CDH8: variants seen among roughly 807,000 people sequenced by gnomAD.
CDH8 encodes the protein cadherin-8.
CDH8 carries 17 observed loss-of-function variants against 68.1 expected under a neutral mutation model. The ratio of observed to expected loss-of-function variants is 0.25; its 90% confidence interval spans 0.17 to 0.37. CDH8 has a LOEUF of 0.37. Ranked by LOEUF, CDH8 falls within the 10% of genes least tolerant of loss-of-function variation. CDH8 has a pLI of 1.00. For synonymous variants in CDH8, 372 were observed against 365.1 expected, an observed-to-expected ratio of 1.02 and a Z score of -0.21; for missense variants, 763 against 999.3, an observed-to-expected ratio of 0.76 and a Z score of 3.19.
In CDH8 at chr16:61,713,921, G is replaced by A. The variant is rs988660914; in HGVS notation, c.1574C>T (p.Pro525Leu). 1 of 1,609,198 alleles carries A rather than the reference G, an allele frequency of 6.2e-7. No individual in the cohort carries two copies. Among genetic ancestry groups the A allele is most frequent in the East Asian group, 2.2e-5 (1 of 44,738 alleles). The change falls in exon 10 of 12, where the codon CCC becomes CTC. Residue 525 changes from proline to leucine, a missense_variant. Transcript: ENST00000577390. ...QTVSAMDKDD[P>L]KNGHYFLYSL... The stretch of plus-strand genomic sequence containing the variant: ...GTATAAGAAATAATGTCCGTTTTTG[G>A]GATCATCTTTGTCCATGGCGCTAAC...
At chr16:61,727,312 C>A in intron 8 of CDH8, 97 bp from the exon 9 acceptor site, 1 of 1,253,176 alleles carries the variant, frequency 8.0e-7, no homozygotes, top group Non-Finnish European at 1.1e-6. Flanking sequence ...TTTCCAACTT[C>A]CCTTAATTAG....
chr16:62,018,514 C>T lies in CDH8; in HGVS notation c.252+2638G>A, dbSNP rs377583839. On this transcript the variant is annotated intron_variant, in intron 2 of 11. Transcript: ENST00000577390. Reference sequence around the variant, plus strand: ...AACACTAAAGCACCGGTGGGCACCCCGATTCAGATCATCTTCGCACTCAGC... The same window carrying T: ...AACACTAAAGCACCGGTGGGCACCCTGATTCAGATCATCTTCGCACTCAGC... Among the ~76,000 whole-genome samples the T allele has an allele frequency of 3.9e-5, 6 of 152,098 alleles. No homozygotes were observed. The East Asian group carries it at 9.7e-4, about 25-fold the overall frequency.
intron 6 of CDH8, among the ~76,000 whole-genome samples, chr16:61,820,160 C>T (rs893223448): frequency 6.6e-6 from 1 of 151,748 alleles, no homozygotes; most frequent in Non-Finnish European, 1.5e-5. Flanking sequence ...ATGGTACCTC[C>T]CTATCCAGAA....
chr16:61,688,014 G>A (rs922963571), intron 10 of CDH8, among the ~76,000 whole-genome samples: 6 of 152,112 alleles, frequency 3.9e-5, no homozygotes, highest in African/African-American at 9.6e-5. Context: ...AACTCATCTC[G>A]TAACCTGACC....
At chr16:61,813,581 G>C (rs922172001) in intron 7 of CDH8, among the ~76,000 whole-genome samples, 1 of 152,042 alleles carries the variant, frequency 6.6e-6, no homozygotes, top group African/African-American at 2.4e-5. Flanking sequence ...CCACGGGCAG[G>C]GGGAGAAGCC....
chr16:61,857,033 A>G, intron 4 of CDH8, 86 bp downstream of exon 4: 2 of 1,487,100 alleles, frequency 1.3e-6, no homozygotes, highest in South Asian at 1.1e-5. Flanking sequence ...GTACTTACAC[A>G]TAATATTTCA....
chr16:61,710,256 A>G (rs1359709936), intron 10 of CDH8, among the ~76,000 whole-genome samples: 1 of 152,088 alleles, frequency 6.6e-6, no homozygotes. Flanking sequence ...AAGTAAGAGT[A>G]TTCGATACTT....
At chr16:61,659,577 G>A (rs1287922208) in intron 10 of CDH8, among the ~76,000 whole-genome samples, 4 of 152,078 alleles carry the variant, frequency 2.6e-5, no homozygotes, top group African/African-American at 7.2e-5. Flanking sequence ...CTCTAGCTGG[G>A]CACTGTGCCA....
intron 8 of CDH8, among the ~76,000 whole-genome samples, chr16:61,766,626 T>A (rs1960600960): frequency 6.6e-6 from 1 of 150,528 alleles, no homozygotes; most frequent in African/African-American, 2.5e-5. Flanking sequence ...GCATTCCTTT[T>A]CATCACCTCC....
intron 10 of CDH8, among the ~76,000 whole-genome samples, chr16:61,663,652 T>C (rs77913590): frequency 2.6e-5 from 4 of 152,044 alleles, no homozygotes; most frequent in Non-Finnish European, 4.4e-5. Flanking sequence ...AACACCTAAC[T>C]GATTCATTAG....
At chr16:61,996,683 T>A (rs1222122475) in intron 2 of CDH8, among the ~76,000 whole-genome samples, 2 of 152,176 alleles carry the variant, frequency 1.3e-5, no homozygotes, top group East Asian at 3.9e-4. Flanking sequence ...CAAATTAAAT[T>A]ATATTATATC....
chr16:61,784,230 G>A (rs1172946768), intron 8 of CDH8, among the ~76,000 whole-genome samples: 1 of 152,008 alleles, frequency 6.6e-6, no homozygotes, highest in Non-Finnish European at 1.5e-5. Context: ...CAAAATAAAA[G>A]GATGGAGGAA....
chr16:61,820,915 C>T lies in CDH8; in HGVS notation c.1023+11G>A, dbSNP rs770762784. 1 of 1,603,020 alleles carries T rather than the reference C, an allele frequency of 6.2e-7. No individual in the cohort carries two copies. Among genetic ancestry groups the T allele is most frequent in the South Asian group, 1.1e-5 (1 of 90,386 alleles). On this transcript the variant is annotated intron_variant, in intron 6 of 11. Coordinates refer to ENST00000577390, the MANE Select transcript of CDH8 (RefSeq NM_001796.5). ...ATATTTTGAAGATGAACAAAAGCTTCCTTAGCTTACTTTTCTTAGCCTTAT... is the reference window on the plus strand; with the variant it reads ...ATATTTTGAAGATGAACAAAAGCTTTCTTAGCTTACTTTTCTTAGCCTTAT...
intron 8 of CDH8, among the ~76,000 whole-genome samples, chr16:61,781,784 G>C (rs1480599768): frequency 6.6e-6 from 1 of 152,144 alleles, no homozygotes; most frequent in Non-Finnish European, 1.5e-5. Flanking sequence ...CTTCAACATG[G>C]TAAATTACTA....
intron 3 of CDH8, among the ~76,000 whole-genome samples, chr16:61,885,057 GTCCTGTAA>G (rs1194742423): frequency 6.6e-6 from 1 of 152,154 alleles, no homozygotes; most frequent in Middle Eastern, 3.2e-3. Context: ...TCATTTAAAT[GTCCTGTAA>G]TTTTGGTAGA....
chr16:61,876,500 T>C (rs775721840), intron 3 of CDH8, among the ~76,000 whole-genome samples: 2 of 152,096 alleles, frequency 1.3e-5, no homozygotes, highest in Non-Finnish European at 2.9e-5. Context: ...CCAAGACCCC[T>C]GGACATTTGC....
intron 2 of CDH8, among the ~76,000 whole-genome samples, chr16:61,986,839 G>T (rs1376715542): frequency 6.6e-6 from 1 of 152,120 alleles, no homozygotes; most frequent in African/African-American, 2.4e-5. Context: ...TCAAGAAGAG[G>T]CATCAGGATA....
chr16:61,651,986 GA>G lies in CDH8; in HGVS notation c.*1621del, dbSNP rs566131907. 1.3e-4 allele frequency: 90 copies of G among 684,128 alleles called. No individual in the cohort carries two copies. The highest frequency in any genetic ancestry group is 1.5e-4 in the Non-Finnish European group (81 of 556,422). 42.4% of individuals were successfully genotyped at this position (684,128 alleles called of 1,614,324 possible). A position where few individuals can be genotyped will look rare whatever the true frequency, so the allele number is the denominator to read the frequency against. ...TCTGTTAATAGATCTTCCACTGATT[GA>G]AAAAAAAATTAATGACAACAAAGGT... is the stretch of plus-strand genomic sequence containing the variant. On this transcript the variant is annotated 3_prime_UTR_variant, in exon 12 of 12. Coordinates refer to ENST00000577390, the MANE Select transcript of CDH8 (RefSeq NM_001796.5).
At chr16:61,995,190 G>T (rs913080257) in intron 2 of CDH8, among the ~76,000 whole-genome samples, 6 of 152,104 alleles carry the variant, frequency 3.9e-5, no homozygotes, top group African/African-American at 1.4e-4. Flanking sequence ...TCTTGTGATA[G>T]AAGATTATAA....
Sources: allele counts gnomAD v4.1 joint callset (sites outside exome capture counted in the v4.1 genomes callset), GRCh38; gene constraint gnomAD v4.1.1; transcripts MANE v1.5; gene names NCBI Gene and HGNC (gene_info 2026-07-23, HGNC 2026-07-21).